The following SF3A1 variants were observed in gnomAD, a reference collection of about 807,000 sequenced individuals.
The protein encoded by SF3A1 is SAP 114.
Under a neutral mutation model 89.9 loss-of-function variants are expected in SF3A1, and 13 were observed. The observed-to-expected ratio is 0.14, with a 90% CI of 0.09 to 0.23. SF3A1 has a LOEUF of 0.23. Ranked by LOEUF, SF3A1 falls within the 10% of genes least tolerant of loss-of-function variation. SF3A1 has a pLI of 1.00. For missense variants in SF3A1, 604 were observed against 1,022.1 expected (o/e 0.59, Z 5.58); for synonymous variants, 405 against 374.4 (o/e 1.08, Z -0.94).
In SF3A1 at chr22:30,342,213, T is replaced by A. The variant is rs1250802093; in HGVS notation, c.864A>T (p.Gln288His). ...TCACAGACCTACCTTGCTCATTGGG[T>A]TGGAAGTCCACTGTTTCCACCACCA... ...DFVVVETVDF[Q>H]PNEQGNFPPP... The change falls in exon 6 of 16, where the codon CAA becomes CAT. Residue 288 changes from glutamine (Q) to histidine (H), a missense_variant. Gln to His is a conservative substitution (Grantham distance 24). Transcript: ENST00000215793. 6.2e-7 allele frequency: 1 copy of A among 1,614,038 alleles called. No individual in the cohort carries two copies. The highest frequency in any genetic ancestry group is 8.5e-7 in the Non-Finnish European group (1 of 1,180,032).
chr22:30,344,501 T>A (rs555327937), intron 4 of SF3A1, among the ~76,000 whole-genome samples: 1 of 152,230 alleles, frequency 6.6e-6, no homozygotes, highest in Non-Finnish European at 1.5e-5. Context: ...TGACTTCACC[T>A]TTCTGAGCCT....
intron 2 of SF3A1, among the ~76,000 whole-genome samples, chr22:30,351,698 A>G (rs918852765): frequency 6.6e-6 from 1 of 152,166 alleles, no homozygotes; most frequent in Admixed American, 6.5e-5. Context: ...GGGTCTCACT[A>G]TGTTGCCCAG....
Position 30,340,337 on chromosome 22 carries a change from C to A in SF3A1, c.1234G>T (p.Val412Leu). ...ATCTTCTCCCCAGTAATGGGGGACA[C>A]AAGATACTCATCTGGAGCAGGGGCT... is the stretch of plus-strand genomic sequence containing the variant. ...PPAPAPDEYL[V>L]SPITGEKIPA... Residue 412 changes from valine to leucine, a missense_variant, in exon 9 of 16, where the codon GTG (valine) becomes TTG (leucine). Val to Leu is a conservative substitution (Grantham distance 32). This residue lies in a region of SF3A1 where 146 missense variants were observed against 228.5 expected (regional missense o/e 0.64). Transcript: ENST00000215793. 3 of 1,611,982 alleles carry A rather than the reference C, an allele frequency of 1.9e-6. No individual in the cohort carries two copies. Among genetic ancestry groups the A allele is most frequent in the Non-Finnish European group, 2.5e-6 (3 of 1,179,532 alleles).
At position 30,333,348 on chromosome 22, in the gene SF3A1, G is replaced by T. The variant is rs1930971486; in HGVS notation, c.*1246C>A. On this transcript the variant is annotated 3_prime_UTR_variant, in exon 16 of 16. Coordinates refer to ENST00000215793, the MANE Select transcript of SF3A1 (RefSeq NM_005877.6). ...GATGACCTGATGGGGCAGCTAGGAG[G>T]TCCAAATGGAAGGACTGCAAATAAA... The T allele has an allele frequency of 6.6e-6, 1 of 152,210 alleles. No individual in the cohort carries two copies. Among genetic ancestry groups the T allele is most frequent in the Non-Finnish European group, 1.5e-5 (1 of 68,058 alleles). 9.4% of individuals were successfully genotyped at this position (152,210 alleles called of 1,614,324 possible). A position where few individuals can be genotyped will look rare whatever the true frequency, so the allele number is the denominator to read the frequency against.
At chr22:30,342,547 G>T in intron 5 of SF3A1, 197 bp from the exon 6 acceptor site, 1 of 656,666 alleles carries the variant, frequency 1.5e-6, no homozygotes, top group Non-Finnish European at 2.6e-6. Flanking sequence ...CCTCTGATCT[G>T]CTTGGGAGCT....
chr22:30,353,284 T>C (rs1216838817), intron 1 of SF3A1, among the ~76,000 whole-genome samples: 1 of 152,236 alleles, frequency 6.6e-6, no homozygotes, highest in African/African-American at 2.4e-5. Context: ...GCAGCTTCCC[T>C]GGCTCCTCTC....
intron 3 of SF3A1, among the ~76,000 whole-genome samples, chr22:30,345,632 G>A (rs531384973): frequency 6.6e-6 from 1 of 152,324 alleles, no homozygotes; most frequent in African/African-American, 2.4e-5. Flanking sequence ...CCTCTTTACA[G>A]ATGAAGAAAC....
At chr22:30,356,700 G>T in intron 1 of SF3A1, 30 bp downstream of exon 1, 1 of 1,452,914 alleles carries the variant, frequency 6.9e-7, no homozygotes, top group Non-Finnish European at 9.2e-7. Flanking sequence ...CAACCCTCCG[G>T]CTGCAGGCTG....
Position 30,337,184 on chromosome 22 carries a change from C to A in SF3A1, c.1952-4G>T. On this transcript the variant is annotated splice_region_variant and splice_polypyrimidine_tract_variant and intron_variant, in intron 12 of 15. Transcript: ENST00000215793. ...ACAGGTGGAGCAGGCACAAAGGCTG[C>A]AAAGACAAGAATAAGCAGCCCCATG... is the stretch of plus-strand genomic sequence containing the variant. 6.2e-7 allele frequency: 1 copy of A among 1,605,628 alleles called. No individual in the cohort carries two copies. Among genetic ancestry groups the A allele is most frequent in the East Asian group, 2.2e-5 (1 of 44,850 alleles).
rs558975242 is a variant in SF3A1 at position 30,341,291 on chromosome 22, C to G, written c.1071+401G>C. ...GAGACTCCATGCCTGCTTAGAGGGC[C>G]TGGCTTGAAGGGGGTAGGGATGCCT... On this transcript the variant is annotated intron_variant, in intron 7 of 15. Coordinates refer to ENST00000215793, the MANE Select transcript of SF3A1 (RefSeq NM_005877.6). 1.2e-3 allele frequency among the ~76,000 whole-genome samples: 183 copies of G among 152,254 alleles called. 2 individuals carry two copies. The highest frequency in any genetic ancestry group is 4.2e-3 in the African/African-American group (176 of 41,548).
intron 13 of SF3A1, 114 bp downstream of exon 13, chr22:30,336,912 T>C (rs560128237): frequency 1.0e-5 from 13 of 1,251,158 alleles, no homozygotes; most frequent in African/African-American, 7.3e-5. Flanking sequence ...ACAGCTGACC[T>C]AGGCCCCAGA....
chr22:30,335,865 GGATTCTGGCCT>G, intron 13 of SF3A1, 112 bp from the exon 14 acceptor site: 1 of 877,962 alleles, frequency 1.1e-6, no homozygotes, highest in Non-Finnish European at 1.9e-6. Flanking sequence ...CTGGGCTCCT[GGATTCTGGCCT>G]GATTCACCAC....
At chr22:30,346,629 G>A in intron 2 of SF3A1, 110 bp from the exon 3 acceptor site, 1 of 1,254,172 alleles carries the variant, frequency 8.0e-7, no homozygotes, top group East Asian at 2.4e-5. Context: ...GCTCAAACCA[G>A]CCCATCCCTC....
chr22:30,352,151 A>T (rs1277636898), intron 2 of SF3A1, among the ~76,000 whole-genome samples: 1 of 150,908 alleles, frequency 6.6e-6, no homozygotes, highest in Non-Finnish European at 1.5e-5. Flanking sequence ...AAGAGAGAGG[A>T]TCTCTGACCA....
At chr22:30,350,307 A>AAAAAAAAAAC (rs1931548879) in intron 2 of SF3A1, among the ~76,000 whole-genome samples, 1 of 149,018 alleles carries the variant, frequency 6.7e-6, no homozygotes, top group South Asian at 2.1e-4. Flanking sequence ...AAAAAACTAA[A>AAAAAAAAAAC]AAAAATAAAA....
At chr22:30,355,117 C>T (rs1328832986) in intron 1 of SF3A1, among the ~76,000 whole-genome samples, 1 of 152,102 alleles carries the variant, frequency 6.6e-6, no homozygotes, top group Non-Finnish European at 1.5e-5. Context: ...TTCTGCTTCC[C>T]AGGTTCAAGC....
chr22:30,356,716 CG>C lies in SF3A1; in HGVS notation c.63+13del, dbSNP rs1931877404. 4.1e-6 allele frequency: 6 copies of C among 1,479,896 alleles called. No homozygotes were observed. The highest frequency in any genetic ancestry group is 2.7e-5 in the South Asian group (2 of 74,804). The allele number at this position is 1,479,896 out of a possible 1,614,324, so 91.7% of individuals were successfully genotyped here. A position where few individuals can be genotyped will look rare whatever the true frequency, so the allele number is the denominator to read the frequency against. ...AACCCTCCGGCTGCAGGCTGAGGGGCGGGGGAGAGGTACCTGTTTGGGCTCC... is the reference window on the plus strand; with the variant it reads ...AACCCTCCGGCTGCAGGCTGAGGGGCGGGGAGAGGTACCTGTTTGGGCTCC... On this transcript the variant is annotated intron_variant, in intron 1 of 15. Coordinates refer to ENST00000215793, the MANE Select transcript of SF3A1 (RefSeq NM_005877.6).
chr22:30,341,088 C>A (rs1001887514), intron 7 of SF3A1, among the ~76,000 whole-genome samples: 3 of 138,568 alleles, frequency 2.2e-5, no homozygotes, highest in Non-Finnish European at 3.1e-5. Flanking sequence ...ACTTAACATG[C>A]CGGGGGGGGA....
chr22:30,348,463 A>G (rs1931485911), intron 2 of SF3A1, among the ~76,000 whole-genome samples: 2 of 152,182 alleles, frequency 1.3e-5, no homozygotes, highest in South Asian at 4.1e-4. Context: ...GGGCAACAAA[A>G]TGAAATTTCA....
Sources: gnomAD v4.1 joint callset for allele counts (sites outside exome capture counted in the v4.1 genomes callset) on GRCh38, gnomAD v4.1.1 for gene constraint, gnomAD v4.1.1 regional missense constraint, MANE v1.5 for transcripts, NCBI Gene and HGNC (gene_info 2026-07-23, HGNC 2026-07-21) for gene names.